The following PRKN variants were observed in gnomAD, a reference collection of about 807,000 sequenced individuals.
PRKN encodes the protein parkin RBR E3 ubiquitin protein ligase, also known as E3 ubiquitin-protein ligase parkin.
Under a neutral mutation model 59.5 loss-of-function variants are expected in PRKN, and 56 were observed. The ratio of observed to expected loss-of-function variants is 0.94; its 90% CI spans 0.76 to 1.18. The LOEUF is 1.18. Among genes scored for constraint, PRKN ranks in the 50% most tolerant of loss-of-function variants. PRKN has a pLI of 0.00. For synonymous variants in PRKN, 250 were observed against 222.1 expected, an observed-to-expected ratio of 1.13 and a Z score of -1.12; for missense variants, 657 against 596.4, an observed-to-expected ratio of 1.10 and a Z score of -1.06.
At chr6:161,469,235 G>A (rs1388985975) in intron 9 of PRKN, among the ~76,000 whole-genome samples, 1 of 151,966 alleles carries the variant, frequency 6.6e-6, no homozygotes, top group East Asian at 1.9e-4. Context: ...GATAGTGAGT[G>A]AGTTCTCAGA....
At chr6:161,608,469 C>T (rs970729083) in intron 7 of PRKN, among the ~76,000 whole-genome samples, 2 of 151,968 alleles carry the variant, frequency 1.3e-5, no homozygotes, top group East Asian at 3.9e-4. Flanking sequence ...TCTTTCATAG[C>T]TAGAATTTAG....
intron 2 of PRKN, among the ~76,000 whole-genome samples, chr6:162,421,263 A>G (rs2320810): frequency 0.52 from 78,329 of 152,062 alleles, 20,555 homozygotes; most frequent in East Asian, 0.69. Context: ...CACTCTCTGG[A>G]TACTTGCCTA....
chr6:162,070,027 G>A (rs953170242), intron 4 of PRKN, among the ~76,000 whole-genome samples: 10 of 152,286 alleles, frequency 6.6e-5, no homozygotes, highest in Non-Finnish European at 1.0e-4. Flanking sequence ...TCTACAAATC[G>A]CTTTCACATG....
chr6:161,731,849 C>T (rs1288896990), intron 7 of PRKN, among the ~76,000 whole-genome samples: 2 of 152,162 alleles, frequency 1.3e-5, no homozygotes, highest in East Asian at 3.8e-4. Context: ...TGAATATACA[C>T]ACACCAAATA....
At position 161,469,547 on chromosome 6, in the gene PRKN, AAGAGAG is replaced by A. The variant is rs60364166; in HGVS notation, c.1083+79301_1083+79306del. 1.4e-4 allele frequency among the ~76,000 whole-genome samples: 16 copies of A among 117,908 alleles called. No individual in the cohort carries two copies. In the East Asian group the frequency reaches 1.5e-3, roughly 11 times the overall value. 77.4% of individuals were successfully genotyped at this position (117,908 alleles called of 152,430 possible). On this transcript the variant is annotated intron_variant, in intron 9 of 11. Coordinates refer to ENST00000366898, the MANE Select transcript of PRKN (RefSeq NM_004562.3). ...CCAGGTGGGTCCAGTGAACAAGAGA[AAGAGAG>A]AGAGAGAGAGAGAGAGAGAAAGAGA...
chr6:162,685,485 T>TA (rs1470409519), intron 1 of PRKN, among the ~76,000 whole-genome samples: 2 of 152,102 alleles, frequency 1.3e-5, no homozygotes, highest in Non-Finnish European at 2.9e-5. Context: ...AATGTCGTAG[T>TA]ACAAAGGGGA....
intron 4 of PRKN, among the ~76,000 whole-genome samples, chr6:162,097,048 TTG>T (rs1442954300): frequency 6.6e-6 from 1 of 151,874 alleles, no homozygotes; most frequent in East Asian, 1.9e-4. Context: ...AGCTAATTAT[TTG>T]TGTTTTTAGT....
At chr6:161,358,647 C>T (rs1277461891) in intron 11 of PRKN, among the ~76,000 whole-genome samples, 2 of 151,974 alleles carry the variant, frequency 1.3e-5, no homozygotes, top group Non-Finnish European at 2.9e-5. Context: ...AGCGAAATAC[C>T]AGGCCTGTTT....
chr6:162,234,164 G>A lies in PRKN; in HGVS notation c.412+28361C>T, dbSNP rs143841899. Among the ~76,000 whole-genome samples the A allele has an allele frequency of 7.9e-5, 12 of 152,286 alleles. No individual in the cohort carries two copies. In the East Asian group the frequency reaches 2.1e-3, roughly 27 times the overall value. ...TGTTGTTAGGATACTATGGGAAAGTGAGAACAGGTACACGACAATTTGCAA... is the reference window on the plus strand; with the variant it reads ...TGTTGTTAGGATACTATGGGAAAGTAAGAACAGGTACACGACAATTTGCAA... On this transcript the variant is annotated intron_variant, in intron 3 of 11. Transcript: ENST00000366898.
Position 161,373,796 on chromosome 6 carries a change from C to G in PRKN, c.1167+12998G>C, listed in dbSNP as rs1048988825. On this transcript the variant is annotated intron_variant, in intron 10 of 11. Coordinates refer to ENST00000366898, the MANE Select transcript of PRKN (RefSeq NM_004562.3). The surrounding 1 kb of genome is among the most constrained non-coding windows in gnomAD (Gnocchi z 4.8). Reference sequence around the variant, plus strand: ...TGTGGAGTGACAATATTTTGTCCCCCCTGCCAGCCCCGTTTTTAATGAAGG... The same window carrying G: ...TGTGGAGTGACAATATTTTGTCCCCGCTGCCAGCCCCGTTTTTAATGAAGG... 3.9e-5 allele frequency among the ~76,000 whole-genome samples: 6 copies of G among 152,076 alleles called. No homozygotes were observed. The highest frequency in any genetic ancestry group is 1.4e-4 in the African/African-American group (6 of 41,400).
intron 5 of PRKN, 98 bp downstream of exon 5, chr6:162,053,993 G>C (rs1038594761): frequency 1.2e-6 from 1 of 860,100 alleles, no homozygotes; most frequent in Non-Finnish European, 2.0e-6. Context: ...TTAGATGGAA[G>C]AACAGTCAGT....
chr6:162,392,397 C>T (rs961940540), intron 2 of PRKN, among the ~76,000 whole-genome samples: 1 of 152,114 alleles, frequency 6.6e-6, no homozygotes, highest in African/African-American at 2.4e-5. Context: ...TCTCTGTCTA[C>T]TAGAATCTAT....
chr6:162,263,669 T>C (rs1043748387), intron 2 of PRKN, among the ~76,000 whole-genome samples: 26 of 152,172 alleles, frequency 1.7e-4, no homozygotes, highest in African/African-American at 5.5e-4. Context: ...ATCTACTACA[T>C]AGGGCCGGCC....
rs1464888024 is a variant in PRKN, at chr6:161,446,648, C to A, written c.1084-59771G>T. Among the ~76,000 whole-genome samples the A allele has an allele frequency of 6.6e-6, 1 of 152,108 alleles. No individual in the cohort carries two copies. The highest frequency in any genetic ancestry group is 1.5e-5 in the Non-Finnish European group (1 of 68,024). The stretch of plus-strand genomic sequence containing the variant: ...AAACTAAATGCAGCCTCTTTTCTAC[C>A]CATGATTTATTAGACCTCCCCTTTC... On this transcript the variant is annotated intron_variant, in intron 9 of 11. Transcript: ENST00000366898. The surrounding 1 kb of genome is among the most constrained non-coding windows in gnomAD (Gnocchi z 6.2).
chr6:162,488,552 T>A (rs1039781296), intron 1 of PRKN, among the ~76,000 whole-genome samples: 1 of 152,146 alleles, frequency 6.6e-6, no homozygotes, highest in African/African-American at 2.4e-5. Flanking sequence ...TCAGAGGCTA[T>A]CCAGCATGAT....
intron 6 of PRKN, among the ~76,000 whole-genome samples, chr6:161,948,418 G>A (rs1231991487): frequency 6.6e-6 from 1 of 152,164 alleles, no homozygotes; most frequent in East Asian, 1.9e-4. Context: ...TAAGTGCTGG[G>A]GATACAGATG....
chr6:162,009,781 C>CA (rs1305667042), intron 5 of PRKN, among the ~76,000 whole-genome samples: 1 of 151,558 alleles, frequency 6.6e-6, no homozygotes, highest in Non-Finnish European at 1.5e-5. Context: ...ACTAAAAATA[C>CA]AAAAATTAGC....
chr6:162,290,401 T>C (rs1366875312), intron 2 of PRKN, among the ~76,000 whole-genome samples: 1 of 152,210 alleles, frequency 6.6e-6, no homozygotes, highest in Admixed American at 6.5e-5. Context: ...CAAATAAATC[T>C]AACACAAAAT....
intron 7 of PRKN, among the ~76,000 whole-genome samples, chr6:161,624,899 C>A (rs1219929444): frequency 6.6e-6 from 1 of 152,226 alleles, no homozygotes; most frequent in Admixed American, 6.5e-5. Flanking sequence ...TGAATTCCTA[C>A]AGAAGCCTTG....
Sources: allele counts gnomAD v4.1 joint callset (sites outside exome capture counted in the v4.1 genomes callset), GRCh38; gene constraint gnomAD v4.1.1; non-coding constraint Gnocchi (gnomAD v3.1); transcripts MANE v1.5; gene names NCBI Gene and HGNC (gene_info 2026-07-23, HGNC 2026-07-21).